Variants in UST observed in about 807,000 individuals in gnomAD.
The protein encoded by UST is uronyl 2-sulfotransferase.
A neutral mutation model predicts 45.6 loss-of-function variants in UST; 21 were observed. That is an observed-to-expected ratio of 0.46 (90% CI 0.33 to 0.66). UST has a LOEUF of 0.66. UST is among the 30% of genes least tolerant of loss of function. UST has a pLI of 0.02. For synonymous variants in UST, 215 were observed against 200.6 expected (o/e 1.07, Z -0.61); for missense variants, 463 against 512.4 (o/e 0.90, Z 0.93).
chr6:148,910,150 T>C (rs1037420778), intron 2 of UST, among the ~76,000 whole-genome samples: 1 of 148,768 alleles, frequency 6.7e-6, no homozygotes, highest in Non-Finnish European at 1.5e-5. Flanking sequence ...TTTTTTTTTT[T>C]TTTTTTTGAG....
intron 2 of UST, among the ~76,000 whole-genome samples, chr6:148,901,532 C>G (rs1464697734): frequency 6.7e-6 from 1 of 150,250 alleles, no homozygotes; most frequent in Non-Finnish European, 1.5e-5. Context: ...TTCAGCCCTT[C>G]AGCCCAGAAG....
intron 1 of UST, among the ~76,000 whole-genome samples, chr6:148,769,834 T>G (rs963819961): frequency 3.3e-5 from 5 of 151,334 alleles, no homozygotes; most frequent in Admixed American, 2.0e-4. Context: ...TCACAAACAG[T>G]GGTTGTTTGT....
chr6:148,965,255 G>A (rs964161930), intron 5 of UST, among the ~76,000 whole-genome samples: 6 of 151,880 alleles, frequency 4.0e-5, no homozygotes, highest in Non-Finnish European at 8.8e-5. Flanking sequence ...GCGGAGTTGC[G>A]CGTCTTTCTT....
intron 1 of UST, among the ~76,000 whole-genome samples, chr6:148,799,807 G>T (rs80308635): frequency 6.6e-6 from 1 of 152,092 alleles, no homozygotes; most frequent in African/African-American, 2.4e-5. Flanking sequence ...AATATTGCTG[G>T]CATCCTTTTG....
rs374260655 is a variant in UST, at chr6:148,889,749, T to C, written c.291+2720T>C. Among the ~76,000 whole-genome samples the C allele has an allele frequency of 6.4e-4, 98 of 152,306 alleles. 3 individuals are homozygous for C. In the East Asian group the frequency reaches 0.016, roughly 25 times the overall value. On this transcript the variant is annotated intron_variant, in intron 2 of 7. Coordinates refer to ENST00000367463, the MANE Select transcript of UST (RefSeq NM_005715.3). ...TGAGTCAACACTTTGGTCTTCCTGCTGGTCTTGCTGTGGCTGGGTTGTCTG... is the reference window on the plus strand; with the variant it reads ...TGAGTCAACACTTTGGTCTTCCTGCCGGTCTTGCTGTGGCTGGGTTGTCTG...
chr6:148,810,731 AT>A (rs1331505192), intron 1 of UST, among the ~76,000 whole-genome samples: 1 of 152,050 alleles, frequency 6.6e-6, no homozygotes, highest in East Asian at 1.9e-4. Context: ...AGGAAGAGCA[AT>A]TTTTTTTAAA....
intron 1 of UST, among the ~76,000 whole-genome samples, chr6:148,775,534 A>G (rs764340088): frequency 2.0e-5 from 3 of 152,186 alleles, no homozygotes; most frequent in Non-Finnish European, 4.4e-5. Context: ...ACCTCTGTGT[A>G]TGTGTATGTG....
In UST at chr6:148,964,007, A is replaced by G. The variant is rs534410730; in HGVS notation, c.528-403A>G. Among the ~76,000 whole-genome samples the G allele has an allele frequency of 3.3e-5, 5 of 152,266 alleles. No individual in the cohort carries two copies. In the South Asian group the frequency reaches 1.0e-3, roughly 32 times the overall value. ...AACCTACCAATCAACTGAAACATTC[A>G]CCGAGGGCCAATTGTGTCCCTGTGG... On this transcript the variant is annotated intron_variant, in intron 4 of 7. Coordinates refer to ENST00000367463, the MANE Select transcript of UST (RefSeq NM_005715.3).
intron 3 of UST, among the ~76,000 whole-genome samples, chr6:148,942,433 C>G (rs1403788466): frequency 6.6e-6 from 1 of 152,102 alleles, no homozygotes; most frequent in Non-Finnish European, 1.5e-5. Flanking sequence ...TGGCACGTGC[C>G]TGTAGTCCCA....
chr6:148,797,309 GCAAA>G (rs1317584752), intron 1 of UST, among the ~76,000 whole-genome samples: 6 of 151,934 alleles, frequency 3.9e-5, no homozygotes, highest in South Asian at 2.1e-4. Flanking sequence ...AAACAAACAA[GCAAA>G]CAAACAAACC....
intron 1 of UST, among the ~76,000 whole-genome samples, chr6:148,755,877 T>A (rs990905259): frequency 1.3e-5 from 2 of 152,156 alleles, no homozygotes; most frequent in African/African-American, 4.8e-5. Context: ...TTAATTATAC[T>A]TTAAGTTCTA....
At chr6:148,947,129 T>C (rs1780261329) in intron 3 of UST, among the ~76,000 whole-genome samples, 1 of 152,112 alleles carries the variant, frequency 6.6e-6, no homozygotes, top group African/African-American at 2.4e-5. Context: ...AATCCCGAAC[T>C]TTAAATGCTG....
intron 1 of UST, among the ~76,000 whole-genome samples, chr6:148,809,468 A>C (rs757241501): frequency 1.3e-5 from 2 of 152,032 alleles, no homozygotes; most frequent in Non-Finnish European, 2.9e-5. Flanking sequence ...TTTCCATCTC[A>C]ACACTCTAAC....
chr6:148,853,525 A>C (rs1212993543), intron 1 of UST, among the ~76,000 whole-genome samples: 1 of 152,178 alleles, frequency 6.6e-6, no homozygotes, highest in Non-Finnish European at 1.5e-5. Flanking sequence ...TAGGTCTCTG[A>C]GGAATTGTCA....
chr6:148,836,246 ATTAT>A (rs1664231501), intron 1 of UST, among the ~76,000 whole-genome samples: 1 of 152,166 alleles, frequency 6.6e-6, no homozygotes, highest in Non-Finnish European at 1.5e-5. Context: ...GTGTATGGAA[ATTAT>A]TTATTCTGAG....
intron 2 of UST, among the ~76,000 whole-genome samples, chr6:148,929,203 C>A (rs1205511117): frequency 1.3e-5 from 2 of 152,188 alleles, no homozygotes; most frequent in Non-Finnish European, 1.5e-5. Context: ...CAGCCTCCCC[C>A]TCTTTAGCAG....
chr6:148,819,092 C>T (rs1230923110), intron 1 of UST, among the ~76,000 whole-genome samples: 1 of 152,134 alleles, frequency 6.6e-6, no homozygotes, highest in Admixed American at 6.5e-5. Context: ...AAGCAAAACC[C>T]CGCTGGGCTC....
In UST at chr6:148,827,280, G is replaced by T. The variant is rs367714099; in HGVS notation, c.248-59706G>T. On this transcript the variant is annotated intron_variant, in intron 1 of 7. Transcript: ENST00000367463. ...TTAGATTCTGAAGTTTTAAAATTAC[G>T]TGAGATTTGTTCTTCTAACAGAGGA... Among the ~76,000 whole-genome samples, 8 of 152,056 alleles carry T rather than the reference G, an allele frequency of 5.3e-5. No homozygotes were observed. The East Asian group carries it at 5.8e-4, about 11-fold the overall frequency.
chr6:148,796,133 A>G (rs563224755), intron 1 of UST, among the ~76,000 whole-genome samples: 1 of 152,232 alleles, frequency 6.6e-6, no homozygotes, highest in African/African-American at 2.4e-5. Flanking sequence ...GTAGTTTTGA[A>G]TCCTCATCCT....
Sources: allele counts gnomAD v4.1 joint callset (sites outside exome capture counted in the v4.1 genomes callset), GRCh38; gene constraint gnomAD v4.1.1; transcripts MANE v1.5; gene names NCBI Gene and HGNC (gene_info 2026-07-23, HGNC 2026-07-21).